The following NRXN3 variants were observed in gnomAD, a reference collection of about 807,000 sequenced individuals.
The protein encoded by NRXN3 is neurexin III.
A neutral mutation model predicts 137.6 loss-of-function variants in NRXN3; 32 were observed. That is an observed-to-expected ratio of 0.23 (90% CI 0.18 to 0.31). The LOEUF is 0.31. NRXN3 is among the 10% of genes least tolerant of loss of function. The pLI is 1.00. For missense variants in NRXN3, 1,574 were observed against 2,062.5 expected (o/e 0.76, Z 4.59); for synonymous variants, 798 against 784.5 (o/e 1.02, Z -0.29).
chr14:78,818,641 G>T (rs571848642), intron 10 of NRXN3, among the ~76,000 whole-genome samples: 1 of 152,078 alleles, frequency 6.6e-6, no homozygotes, highest in African/African-American at 2.4e-5. Context: ...GAAGATGAAC[G>T]TGTATCTGTA....
chr14:78,494,876 A>G (rs908151854), intron 4 of NRXN3, among the ~76,000 whole-genome samples: 1 of 139,526 alleles, frequency 7.2e-6, no homozygotes, highest in Non-Finnish European at 1.6e-5. Context: ...GAGATGCCTC[A>G]GAGTGAGGTG....
At chr14:78,357,107 T>C (rs2084419726) in intron 4 of NRXN3, among the ~76,000 whole-genome samples, 1 of 152,160 alleles carries the variant, frequency 6.6e-6, no homozygotes, top group South Asian at 2.1e-4. Flanking sequence ...TTCATGCTGC[T>C]GATAAAGACA....
rs79036827 is a variant in NRXN3 at position 79,856,363 on chromosome 14, T to G, written c.4094-4979T>G. Reference sequence around the variant, plus strand: ...ATGTCACCAAAGAGCTAAATATCTTTGAAAAATTAATTCTTGGGGGGAAAA... The same window carrying G: ...ATGTCACCAAAGAGCTAAATATCTTGGAAAAATTAATTCTTGGGGGGAAAA... On this transcript the variant is annotated intron_variant, in intron 20 of 20. Transcript: ENST00000335750. Among the ~76,000 whole-genome samples the G allele has an allele frequency of 2.0e-3, 307 of 152,328 alleles. 12 individuals carry two copies. In the East Asian group the frequency reaches 0.041, roughly 20 times the overall value.
chr14:79,608,502 C>T (rs1047383645), intron 16 of NRXN3, among the ~76,000 whole-genome samples: 5 of 152,162 alleles, frequency 3.3e-5, no homozygotes, highest in African/African-American at 1.2e-4. Flanking sequence ...TACAGGCAAG[C>T]TTCTCCTGCT....
At chr14:78,360,709 A>G (rs1426532904) in intron 4 of NRXN3, among the ~76,000 whole-genome samples, 2 of 152,230 alleles carry the variant, frequency 1.3e-5, no homozygotes, top group Non-Finnish European at 2.9e-5. Context: ...TAAATTGTAT[A>G]TGTATGCTTT....
chr14:78,350,051 G>A (rs2083273096), intron 4 of NRXN3, among the ~76,000 whole-genome samples: 1 of 152,194 alleles, frequency 6.6e-6, no homozygotes, highest in Admixed American at 6.5e-5. Flanking sequence ...ACTTTGGGAA[G>A]CTGAGGCAGG....
Position 79,863,787 on chromosome 14 carries a change from C to T in NRXN3, c.*1823C>T, listed in dbSNP as rs1308104256. The T allele has an allele frequency of 1.3e-5, 2 of 152,532 alleles. No individual in the cohort carries two copies. The highest frequency in any genetic ancestry group is 2.9e-5 in the Non-Finnish European group (2 of 68,014). The allele number at this position is 152,532 out of a possible 1,614,324, so 9.4% of individuals were successfully genotyped here. A position where few individuals can be genotyped will look rare whatever the true frequency, so the allele number is the denominator to read the frequency against. ...AAATGAAGTGTGTCCTCTGGAGGGT[C>T]AGATATACAATTTCTTTTGTACAGA... On this transcript the variant is annotated 3_prime_UTR_variant, in exon 21 of 21. Transcript: ENST00000335750.
At chr14:78,816,434 ATC>A in intron 10 of NRXN3, among the ~76,000 whole-genome samples, 1 of 152,122 alleles carries the variant, frequency 6.6e-6, no homozygotes, top group South Asian at 2.1e-4. Flanking sequence ...GCTTTTCCAC[ATC>A]TTATTTTTCC....
chr14:79,790,467 GTTTAATT>G (rs1402988418), intron 19 of NRXN3, among the ~76,000 whole-genome samples: 2 of 151,780 alleles, frequency 1.3e-5, no homozygotes. Flanking sequence ...CACACCTAAT[GTTTAATT>G]TTTTTTTAAT....
At chr14:78,322,546 C>G (rs573886803) in intron 4 of NRXN3, among the ~76,000 whole-genome samples, 3 of 151,984 alleles carry the variant, frequency 2.0e-5, no homozygotes, top group Non-Finnish European at 4.4e-5. Context: ...AATAAATCCT[C>G]CCTCAACTCT....
intron 5 of NRXN3, among the ~76,000 whole-genome samples, chr14:78,650,104 T>C (rs569641659): frequency 6.6e-6 from 1 of 152,296 alleles, no homozygotes; most frequent in Admixed American, 6.5e-5. Context: ...TTTCTTTTCT[T>C]TTATTTAGTA....
intron 4 of NRXN3, among the ~76,000 whole-genome samples, chr14:78,425,315 G>A (rs1042606274): frequency 2.6e-5 from 4 of 152,228 alleles, no homozygotes; most frequent in African/African-American, 7.2e-5. Context: ...ATAGTTAAGT[G>A]TTTCAGAAAT....
rs2098992869 is a variant in NRXN3 at position 78,835,146 on chromosome 14, T to C, written c.2275+24802T>C. Among the ~76,000 whole-genome samples, 3 of 152,044 alleles carry C rather than the reference T, an allele frequency of 2.0e-5. No homozygotes were observed. In the South Asian group the frequency reaches 6.2e-4, roughly 32 times the overall value. On this transcript the variant is annotated intron_variant, in intron 10 of 20. Transcript: ENST00000335750. ...TCAGTCAGTCTTGGGCGTCTTAGGT[T>C]GGAGGGGAGAGAGAGAGAACCGGCA...
intron 16 of NRXN3, among the ~76,000 whole-genome samples, chr14:79,586,414 T>G (rs2097765675): frequency 6.6e-6 from 1 of 152,184 alleles, no homozygotes; most frequent in South Asian, 2.1e-4. Context: ...TTATTTTCAT[T>G]TTGTTTGGTT....
At chr14:78,220,592 A>G (rs1263154346) in intron 1 of NRXN3, among the ~76,000 whole-genome samples, 1 of 152,100 alleles carries the variant, frequency 6.6e-6, no homozygotes, top group East Asian at 1.9e-4. Context: ...ATTACAGAGA[A>G]TATCTTCAAG....
At chr14:79,365,071 G>A (rs1045045028) in intron 15 of NRXN3, among the ~76,000 whole-genome samples, 3 of 152,124 alleles carry the variant, frequency 2.0e-5, no homozygotes, top group Admixed American at 2.0e-4. Context: ...AATATTAGCT[G>A]AATAGTTATT....
intron 10 of NRXN3, among the ~76,000 whole-genome samples, chr14:78,892,942 CTG>C (rs1308283534): frequency 6.6e-6 from 1 of 151,850 alleles, no homozygotes; most frequent in Non-Finnish European, 1.5e-5. Flanking sequence ...AGAAGGATGA[CTG>C]TGCTCTGAAG....
At chr14:78,995,386 A>G (rs185481935) in intron 15 of NRXN3, among the ~76,000 whole-genome samples, 34 of 152,292 alleles carry the variant, frequency 2.2e-4, no homozygotes, top group Non-Finnish European at 4.1e-4. Flanking sequence ...TTCAATTCCA[A>G]CATATGTCAT....
intron 19 of NRXN3, among the ~76,000 whole-genome samples, chr14:79,716,767 G>A (rs2098824998): frequency 6.6e-6 from 1 of 151,996 alleles, no homozygotes; most frequent in African/African-American, 2.4e-5. Flanking sequence ...TACTTCCCTG[G>A]CACAGCTGAG....
Sources: allele counts gnomAD v4.1 joint callset (sites outside exome capture counted in the v4.1 genomes callset), GRCh38; gene constraint gnomAD v4.1.1; transcripts MANE v1.5; gene names NCBI Gene and HGNC (gene_info 2026-07-23, HGNC 2026-07-21).